STON1: variants seen among roughly 807,000 people sequenced by gnomAD.
STON1 encodes the protein stonin-1.
Under a neutral mutation model 60.9 loss-of-function variants are expected in STON1, and 79 were observed. That is an observed-to-expected ratio of 1.30 (90% CI 1.08 to 1.56). The LOEUF is 1.56. Among genes scored for constraint, STON1 ranks in the 40% most tolerant of loss-of-function variants. STON1 has a pLI of 0.00. For synonymous variants in STON1, 363 were observed against 306.9 expected, an observed-to-expected ratio of 1.18 and a Z score of -1.91; for missense variants, 1,166 against 858.9, an observed-to-expected ratio of 1.36 and a Z score of -4.47.
chr2:48,570,258 C>T (rs1020683483), intron 1 of STON1, among the ~76,000 whole-genome samples: 1 of 152,024 alleles, frequency 6.6e-6, no homozygotes, highest in Non-Finnish European at 1.5e-5. Context: ...TCACTTGAAC[C>T]CGGGAGGTAG....
At chr2:48,577,393 C>T (rs1473124776) in intron 1 of STON1, among the ~76,000 whole-genome samples, 3 of 151,980 alleles carry the variant, frequency 2.0e-5, no homozygotes, top group Admixed American at 1.3e-4. Flanking sequence ...CCAGCCTGAC[C>T]AACGTAGGGA....
chr2:48,590,088 A>G (rs1362559624), intron 2 of STON1, among the ~76,000 whole-genome samples: 1 of 152,230 alleles, frequency 6.6e-6, no homozygotes, highest in African/African-American at 2.4e-5. Flanking sequence ...GTAAGTGTAA[A>G]TGAACTTACT....
chr2:48,561,375 A>G (rs1034037775), intron 1 of STON1, among the ~76,000 whole-genome samples: 5 of 152,072 alleles, frequency 3.3e-5, no homozygotes, highest in Admixed American at 3.3e-4. Context: ...TCCGATTTCC[A>G]TCTCGGAAGT....
intron 1 of STON1, among the ~76,000 whole-genome samples, chr2:48,555,319 G>T (rs1221482417): frequency 1.8e-5 from 1 of 56,028 alleles, no homozygotes; most frequent in African/African-American, 6.3e-5. Context: ...GGGCGGGGGG[G>T]GCTGACCCCC....
intron 1 of STON1, among the ~76,000 whole-genome samples, chr2:48,544,556 G>GT (rs1014635949): frequency 7.2e-5 from 11 of 151,914 alleles, no homozygotes; most frequent in Admixed American, 3.9e-4. Context: ...GTTTTGTTTT[G>GT]TTTTTTTGAG....
chr2:48,572,901 T>G (rs74957835), intron 1 of STON1, among the ~76,000 whole-genome samples: 2 of 152,196 alleles, frequency 1.3e-5, no homozygotes, highest in Non-Finnish European at 2.9e-5. Context: ...AACTTCAGCC[T>G]AAGGGCAGTG....
intron 3 of STON1, among the ~76,000 whole-genome samples, chr2:48,594,817 A>G (rs1482900757): frequency 2.6e-5 from 4 of 152,220 alleles, no homozygotes; most frequent in Admixed American, 6.5e-5. Context: ...GCTTGTTTCA[A>G]TTAGATAATT....
intron 1 of STON1, among the ~76,000 whole-genome samples, chr2:48,573,135 G>T (rs1423541120): frequency 1.3e-5 from 2 of 152,192 alleles, no homozygotes; most frequent in Non-Finnish European, 2.9e-5. Flanking sequence ...GTGGGCTGGA[G>T]GGAGAAAAAT....
chr2:48,555,569 C>T (rs1455376827), intron 1 of STON1, among the ~76,000 whole-genome samples: 6 of 59,702 alleles, frequency 1.0e-4, no homozygotes, highest in Non-Finnish European at 1.4e-4. Context: ...CACCTCCCTC[C>T]TGGACAGGGC....
chr2:48,586,378 A>G (rs989241643), intron 2 of STON1, among the ~76,000 whole-genome samples: 5 of 152,242 alleles, frequency 3.3e-5, no homozygotes, highest in African/African-American at 1.2e-4. Context: ...CAGAAACTTA[A>G]CAGTCTAGAA....
intron 1 of STON1, among the ~76,000 whole-genome samples, chr2:48,560,802 C>A (rs1464466406): frequency 2.0e-5 from 3 of 152,156 alleles, no homozygotes; most frequent in African/African-American, 7.2e-5. Context: ...AGCATCCATG[C>A]TGGGCAAGCA....
chr2:48,586,895 G>A (rs1313592164), intron 2 of STON1, among the ~76,000 whole-genome samples: 1 of 152,124 alleles, frequency 6.6e-6, no homozygotes, highest in Non-Finnish European at 1.5e-5. Flanking sequence ...ATTCAGGGGA[G>A]GTGCCCCTAA....
chr2:48,564,405 GTCTTCTTCTTCT>G (rs1241898892), intron 1 of STON1, among the ~76,000 whole-genome samples: 166 of 83,000 alleles, frequency 2.0e-3, no homozygotes, highest in East Asian at 5.7e-3. Flanking sequence ...CAGTGGCGGT[GTCTTCTTCTTCT>G]TCTTCTTCTT....
At chr2:48,549,468 A>T (rs1285410565) in intron 1 of STON1, among the ~76,000 whole-genome samples, 1 of 152,112 alleles carries the variant, frequency 6.6e-6, no homozygotes. Context: ...GGTATCAAAG[A>T]TGTGGGTGCC....
chr2:48,552,225 C>G (rs1672133726), intron 1 of STON1, among the ~76,000 whole-genome samples: 1 of 152,120 alleles, frequency 6.6e-6, no homozygotes, highest in Non-Finnish European at 1.5e-5. Flanking sequence ...AGACATAATG[C>G]TATGTGAAAT....
chr2:48,584,723 A>G (rs1273196350), intron 2 of STON1, among the ~76,000 whole-genome samples: 1 of 152,202 alleles, frequency 6.6e-6, no homozygotes, highest in Admixed American at 6.5e-5. Context: ...TACAAGGTGT[A>G]GCCAGAGGGA....
intron 2 of STON1, among the ~76,000 whole-genome samples, chr2:48,589,588 G>A (rs1282274802): frequency 1.3e-5 from 2 of 152,136 alleles, no homozygotes; most frequent in Non-Finnish European, 2.9e-5. Flanking sequence ...CAGAAAACTT[G>A]AAAGGAAAAA....
intron 1 of STON1, among the ~76,000 whole-genome samples, chr2:48,575,266 A>G (rs754332531): frequency 3.9e-5 from 6 of 152,224 alleles, no homozygotes; most frequent in East Asian, 3.8e-4. Flanking sequence ...CCATCCATCA[A>G]TTAACATTTA....
chr2:48,577,031 G>T (rs1343508310), intron 1 of STON1, among the ~76,000 whole-genome samples: 2 of 150,174 alleles, frequency 1.3e-5, no homozygotes, highest in Admixed American at 6.7e-5. Context: ...TCCAGCCTGG[G>T]CGACTGAGCG....
Sources: allele counts gnomAD v4.1 joint callset (sites outside exome capture counted in the v4.1 genomes callset), GRCh38; gene constraint gnomAD v4.1.1; transcripts MANE v1.5; gene names NCBI Gene and HGNC (gene_info 2026-07-23, HGNC 2026-07-21).